Variants in SYN3 observed in about 807,000 individuals in gnomAD.
SYN3 encodes synapsin III, also known as synapsin-3.
In SYN3, 35 loss-of-function variants were observed where a neutral mutation model predicts 65.8. The observed-to-expected ratio is 0.53, with a 90% CI of 0.41 to 0.70. The LOEUF (loss-of-function observed/expected upper bound fraction) is 0.70. SYN3 is among the 30% of genes least tolerant of loss of function. The pLI, the probability that SYN3 is intolerant of heterozygous loss-of-function variation, is 0.00. For synonymous variants in SYN3, 270 were observed against 292.9 expected (o/e 0.92, Z 0.80); for missense variants, 680 against 749.0 (o/e 0.91, Z 1.08).
chr22:32,940,523 C>T (rs568219429), intron 3 of SYN3, among the ~76,000 whole-genome samples: 3 of 152,068 alleles, frequency 2.0e-5, no homozygotes, highest in African/African-American at 7.2e-5. Context: ...TGTAATCCAC[C>T]TAGAATTTTT....
chr22:32,662,289 C>T (rs898232872), intron 6 of SYN3, among the ~76,000 whole-genome samples: 11 of 152,240 alleles, frequency 7.2e-5, no homozygotes, highest in South Asian at 2.1e-4. Context: ...TCCATGTTCA[C>T]GGTTTCAGTG....
intron 6 of SYN3, among the ~76,000 whole-genome samples, chr22:32,822,800 T>A (rs2047288142): frequency 6.6e-6 from 1 of 152,066 alleles, no homozygotes; most frequent in Non-Finnish European, 1.5e-5. Flanking sequence ...TAATGGATGG[T>A]CCAAAGAAAG....
chr22:32,697,107 G>A (rs909333461), intron 6 of SYN3, among the ~76,000 whole-genome samples: 1 of 152,164 alleles, frequency 6.6e-6, no homozygotes, highest in African/African-American at 2.4e-5. Flanking sequence ...CTAGGATGTG[G>A]ATCGAACATG....
At chr22:32,723,478 G>A (rs1283378078) in intron 6 of SYN3, among the ~76,000 whole-genome samples, 3 of 152,172 alleles carry the variant, frequency 2.0e-5, no homozygotes, top group Admixed American at 6.5e-5. Context: ...TGTAAGATAT[G>A]GAGAAACTGA....
At chr22:32,655,974 A>G (rs946090675) in intron 6 of SYN3, among the ~76,000 whole-genome samples, 9 of 152,286 alleles carry the variant, frequency 5.9e-5, no homozygotes, top group African/African-American at 2.2e-4. Context: ...CCATTGGAGA[A>G]CTAATCTCCC....
intron 6 of SYN3, among the ~76,000 whole-genome samples, chr22:32,840,189 G>C (rs1569266696): frequency 6.6e-6 from 1 of 152,168 alleles, no homozygotes; most frequent in Non-Finnish European, 1.5e-5. Context: ...TTCTGAGTGT[G>C]TGTCTTTGGG....
At chr22:32,574,622 C>G (rs987129468) in intron 7 of SYN3, among the ~76,000 whole-genome samples, 2 of 152,130 alleles carry the variant, frequency 1.3e-5, no homozygotes, top group Admixed American at 6.5e-5. Flanking sequence ...CCACTTGCCC[C>G]CTCCCTCTCT....
chr22:32,881,187 G>C (rs974090242), intron 4 of SYN3, among the ~76,000 whole-genome samples: 1 of 152,218 alleles, frequency 6.6e-6, no homozygotes, highest in East Asian at 1.9e-4. Context: ...GCTGTTCCTC[G>C]GCAGCGGCTG....
At chr22:32,713,556 C>T (rs889896508) in intron 6 of SYN3, among the ~76,000 whole-genome samples, 2 of 152,174 alleles carry the variant, frequency 1.3e-5, no homozygotes, top group Non-Finnish European at 2.9e-5. Flanking sequence ...CCCGGCTGGG[C>T]GCGGTGGCTC....
chr22:32,912,434 G>A (rs1385668512), intron 4 of SYN3, among the ~76,000 whole-genome samples: 3 of 152,090 alleles, frequency 2.0e-5, no homozygotes, highest in Non-Finnish European at 4.4e-5. Context: ...ACTCACTCTT[G>A]GCTGGGCACG....
chr22:32,520,069 A>AT (rs1290123752), intron 12 of SYN3, among the ~76,000 whole-genome samples: 1 of 152,206 alleles, frequency 6.6e-6, no homozygotes, highest in African/African-American at 2.4e-5. Context: ...TAGTAGGCAC[A>AT]TTTTAAAAAG....
At chr22:32,916,672 G>A (rs1385384674) in intron 4 of SYN3, among the ~76,000 whole-genome samples, 3 of 152,186 alleles carry the variant, frequency 2.0e-5, no homozygotes, top group Non-Finnish European at 4.4e-5. Context: ...CTTAGGCGAA[G>A]CTTGAAAACA....
intron 6 of SYN3, among the ~76,000 whole-genome samples, chr22:32,657,871 C>A (rs1347296881): frequency 6.6e-6 from 1 of 152,182 alleles, no homozygotes; most frequent in African/African-American, 2.4e-5. Flanking sequence ...TCTCCCCTTG[C>A]CACCCTAAGT....
chr22:32,663,492 G>A (rs1305240403), intron 6 of SYN3, among the ~76,000 whole-genome samples: 1 of 151,856 alleles, frequency 6.6e-6, no homozygotes, highest in Non-Finnish European at 1.5e-5. Context: ...TAGAGACGGG[G>A]TTTCACCGTG....
chr22:32,957,469 A>G (rs957678727), intron 3 of SYN3, among the ~76,000 whole-genome samples: 3 of 152,188 alleles, frequency 2.0e-5, no homozygotes, highest in Non-Finnish European at 2.9e-5. Context: ...TCTGTTTTCA[A>G]TCTTGTTAAA....
At chr22:32,540,190 G>T (rs949112287) in intron 8 of SYN3, among the ~76,000 whole-genome samples, 5 of 152,190 alleles carry the variant, frequency 3.3e-5, no homozygotes, top group African/African-American at 4.8e-5. Context: ...TACAGAAAAA[G>T]TTTGCTGACC....
rs182153775 is a variant in SYN3, at chr22:32,522,019, C to T, written c.1319-3685G>A. On this transcript the variant is annotated intron_variant, in intron 12 of 13. Transcript: ENST00000358763. ...TTACCACTGCCCTAGTTATTTCTTT[C>T]GGCTTCTTGGCAAAGCAAACAATTT... is the stretch of plus-strand genomic sequence containing the variant. 4.0e-3 allele frequency among the ~76,000 whole-genome samples: 602 copies of T among 152,272 alleles called. 2 individuals are homozygous for T. Among genetic ancestry groups the T allele is most frequent in the Middle Eastern group, 0.014 (4 of 294 alleles).
intron 2 of SYN3, among the ~76,000 whole-genome samples, chr22:32,985,775 T>C (rs535253765): frequency 1.3e-5 from 2 of 152,102 alleles, no homozygotes; most frequent in Non-Finnish European, 2.9e-5. Context: ...CCTGTGCTTC[T>C]CTAAATACTC....
intron 4 of SYN3, among the ~76,000 whole-genome samples, chr22:32,905,262 A>G (rs2049870958): frequency 6.6e-6 from 1 of 152,222 alleles, no homozygotes; most frequent in Non-Finnish European, 1.5e-5. Context: ...GTTTCCTCCA[A>G]AGTTTCTATT....
Sources: allele counts gnomAD v4.1 joint callset (sites outside exome capture counted in the v4.1 genomes callset), GRCh38; gene constraint gnomAD v4.1.1; transcripts MANE v1.5; gene names NCBI Gene and HGNC (gene_info 2026-07-23, HGNC 2026-07-21).